Variants in MOCOS observed in about 807,000 individuals in gnomAD.
MOCOS encodes the protein human molybdenum cofactor sulfurase.
Under a neutral mutation model 83.6 loss-of-function variants are expected in MOCOS, and 86 were observed. That is an observed-to-expected ratio of 1.03 (90% CI 0.86 to 1.23). MOCOS has a LOEUF of 1.23. Among genes scored for constraint, MOCOS ranks in the 50% most tolerant of loss-of-function variants. The pLI is 0.00. For missense variants in MOCOS, 1,120 were observed against 1,126.9 expected (o/e 0.99, Z 0.09); for synonymous variants, 445 against 434.7 (o/e 1.02, Z -0.29).
Position 36,268,608 on chromosome 18 carries a change from G to A in MOCOS, c.2590G>A (p.Val864Met), listed in dbSNP as rs1568072380. The change falls in exon 15 of 15, where the codon GTG becomes ATG. Residue 864 changes from valine (V) to methionine (M), a missense_variant. Val to Met is a conservative substitution (Grantham distance 21). Transcript: ENST00000261326. ...SPCFLSVGSQ[V>M]LPVLKENVEG... ...ATGTTTCCTGTCTGTAGGATCTCAG[G>A]TGCTCCCTGTGTTGAAAGAGAATGT... The A allele has an allele frequency of 1.2e-6, 2 of 1,613,878 alleles. No individual in the cohort carries two copies. Among genetic ancestry groups the A allele is most frequent in the African/African-American group, 1.3e-5 (1 of 74,858 alleles).
chr18:36,232,935 C>A (rs909826733), intron 9 of MOCOS, among the ~76,000 whole-genome samples: 5 of 151,476 alleles, frequency 3.3e-5, no homozygotes, highest in Non-Finnish European at 7.4e-5. Flanking sequence ...TAAGTTGATT[C>A]CATAACTTGG....
At position 36,200,049 on chromosome 18, in the gene MOCOS, G is replaced by A. The variant is rs770382494; in HGVS notation, c.666G>A (p.Gly222=). Residue 222 remains glycine (G), a synonymous_variant, in exon 4 of 15, where the codon GGG becomes GGA. Coordinates refer to ENST00000261326, the MANE Select transcript of MOCOS (RefSeq NM_017947.4). ...PLSWIEEVKS[G]RLHPVSTPGK... is the part of the protein sequence containing the mutation. ...CCTGGATAGAAGAGGTCAAGTCTGG[G>A]CGGTTGCACCCTGTGAGCACGCCTG... 2 of 1,614,104 alleles carry A rather than the reference G, an allele frequency of 1.2e-6. No homozygotes were observed. The highest frequency in any genetic ancestry group is 4.5e-5 in the East Asian group (2 of 44,896).
At chr18:36,247,824 C>T (rs2091607887) in intron 9 of MOCOS, among the ~76,000 whole-genome samples, 1 of 152,206 alleles carries the variant, frequency 6.6e-6, no homozygotes, top group Non-Finnish European at 1.5e-5. Flanking sequence ...TGATATGTTC[C>T]TGCAGCGGTT....
At chr18:36,193,009 TTAC>T (rs1289393744) in intron 1 of MOCOS, among the ~76,000 whole-genome samples, 1 of 152,072 alleles carries the variant, frequency 6.6e-6, no homozygotes, top group Non-Finnish European at 1.5e-5. Context: ...GTTTCAAAAC[TTAC>T]TACAAAGTTA....
chr18:36,250,577 A>G (rs1372170407), intron 10 of MOCOS, among the ~76,000 whole-genome samples: 1 of 152,174 alleles, frequency 6.6e-6, no homozygotes, highest in Admixed American at 6.5e-5. Context: ...ACATCTTCTT[A>G]CCAGTACTTG....
intron 6 of MOCOS, among the ~76,000 whole-genome samples, chr18:36,209,665 T>TGTTTC (rs1336465511): frequency 1.3e-5 from 2 of 152,194 alleles, no homozygotes; most frequent in African/African-American, 2.4e-5. Context: ...CAAAGGCCAT[T>TGTTTC]GTTTTGTTTC....
At chr18:36,241,010 C>A (rs988031801) in intron 9 of MOCOS, among the ~76,000 whole-genome samples, 4 of 152,204 alleles carry the variant, frequency 2.6e-5, no homozygotes, top group Admixed American at 1.3e-4. Context: ...GGTGCGTGCA[C>A]CCACTGACCT....
intron 8 of MOCOS, among the ~76,000 whole-genome samples, chr18:36,218,125 G>A (rs1598879185): frequency 6.6e-6 from 1 of 152,310 alleles, no homozygotes; most frequent in South Asian, 2.1e-4. Flanking sequence ...GGGAGCTGCT[G>A]GTGGGACGGC....
intron 11 of MOCOS, 71 bp downstream of exon 11, chr18:36,251,354 A>G: frequency 6.4e-7 from 1 of 1,573,446 alleles, no homozygotes; most frequent in Non-Finnish European, 8.7e-7. Flanking sequence ...AAAACAGCCC[A>G]TGAACTGCAC....
Position 36,199,676 on chromosome 18 carries a change from C to A in MOCOS, c.300-7C>A, listed in dbSNP as rs777132416. The A allele has an allele frequency of 6.8e-6, 11 of 1,613,204 alleles. No homozygotes were observed. Among genetic ancestry groups the A allele is most frequent in the Non-Finnish European group, 8.5e-6 (10 of 1,180,058 alleles). On this transcript the variant is annotated splice_region_variant and splice_polypyrimidine_tract_variant and intron_variant, in intron 3 of 14. Coordinates refer to ENST00000261326, the MANE Select transcript of MOCOS (RefSeq NM_017947.4). ...CGCGGGTTGCGGGGATGCTGTGCTT[C>A]TTCCAGAATCCTGGCGCACTTCCAC...
chr18:36,216,808 A>T (rs2091477461), intron 8 of MOCOS, among the ~76,000 whole-genome samples: 1 of 152,200 alleles, frequency 6.6e-6, no homozygotes, highest in Admixed American at 6.5e-5. Flanking sequence ...GGAGAAACCT[A>T]ATAGACCCCA....
intron 1 of MOCOS, 114 bp from the exon 2 acceptor site, chr18:36,195,140 CAAG>C (rs1311277104): frequency 1.2e-6 from 1 of 841,476 alleles, no homozygotes; most frequent in Non-Finnish European, 2.0e-6. Context: ...AGGCACATAT[CAAG>C]AGGCACAAGT....
At chr18:36,248,431 G>A (rs375065902) in intron 9 of MOCOS, among the ~76,000 whole-genome samples, 17 of 152,086 alleles carry the variant, frequency 1.1e-4, no homozygotes, top group African/African-American at 3.1e-4. Flanking sequence ...TTGTGCAGAA[G>A]CTTTTTAGTT....
chr18:36,231,097 C>T (rs1188240300), intron 9 of MOCOS, among the ~76,000 whole-genome samples: 3 of 152,086 alleles, frequency 2.0e-5, no homozygotes. Context: ...TTTTATCAGG[C>T]TAAAGTAGTT....
Position 36,195,214 on chromosome 18 carries a change from G to T in MOCOS, c.143-43G>T, listed in dbSNP as rs143489896. 11,950 of 1,566,546 alleles carry T rather than the reference G, an allele frequency of 7.6e-3. 67 individuals carry two copies. Among genetic ancestry groups the T allele is most frequent in the Non-Finnish European group, 9.0e-3 (10,256 of 1,137,466 alleles). ...ACATTGGTTGGGCTTACACAAACCA[G>T]ATTCAGGTAAAATTTTAGTATTTAT... On this transcript the variant is annotated intron_variant, in intron 1 of 14. Transcript: ENST00000261326.
At chr18:36,205,393 A>T in intron 6 of MOCOS, 117 bp downstream of exon 6, 1 of 1,039,078 alleles carries the variant, frequency 9.6e-7, no homozygotes. Context: ...CCTCAGCCAC[A>T]TGCCTTTCCA....
chr18:36,219,229 C>T (rs2091486667), intron 8 of MOCOS, among the ~76,000 whole-genome samples: 1 of 151,750 alleles, frequency 6.6e-6, no homozygotes, highest in Admixed American at 6.6e-5. Context: ...CTCTTGTCGC[C>T]CAGGCTGGAG....
At chr18:36,194,109 T>C (rs2091377401) in intron 1 of MOCOS, among the ~76,000 whole-genome samples, 1 of 152,202 alleles carries the variant, frequency 6.6e-6, no homozygotes, top group Non-Finnish European at 1.5e-5. Flanking sequence ...AAGCAGAAAG[T>C]AGATTAGTGG....
chr18:36,215,550 T>C lies in MOCOS; in HGVS notation c.1370T>C (p.Ile457Thr), dbSNP rs774894001. The C allele has an allele frequency of 2.5e-6, 4 of 1,614,178 alleles. No individual in the cohort carries two copies. The highest frequency in any genetic ancestry group is 1.1e-5 in the South Asian group (1 of 91,068). ...GHVCGDNMDLIDGQPTGSVRI... is the reference protein window; with the variant it reads ...GHVCGDNMDLTDGQPTGSVRI... ...GTCTGTGGGGACAATATGGACCTCA[T>C]AGATGGGCAGCCCACAGGATCTGTG... Residue 457 changes from isoleucine to threonine, a missense_variant, in exon 8 of 15, where the codon ATA becomes ACA. Coordinates refer to ENST00000261326, the MANE Select transcript of MOCOS (RefSeq NM_017947.4).
Sources: gnomAD v4.1 joint callset for allele counts (sites outside exome capture counted in the v4.1 genomes callset) on GRCh38, gnomAD v4.1.1 for gene constraint, MANE v1.5 for transcripts, NCBI Gene and HGNC (gene_info 2026-07-23, HGNC 2026-07-21) for gene names.